Variants in B3GALT1 observed in about 807,000 individuals in gnomAD.
B3GALT1 encodes beta-1,3-galactosyltransferase 1.
A neutral mutation model predicts 23.2 loss-of-function variants in B3GALT1; 10 were observed. The ratio of observed to expected loss-of-function variants is 0.43; its 90% confidence interval spans 0.27 to 0.73. The LOEUF (loss-of-function observed/expected upper bound fraction) is 0.73. Ranked by LOEUF, B3GALT1 falls within the 30% of genes least tolerant of loss-of-function variation. The pLI is 0.21. For missense variants in B3GALT1, 299 were observed against 405.4 expected (o/e 0.74, Z 2.25); for synonymous variants, 156 against 141.5 (o/e 1.10, Z -0.73).
At chr2:167,518,257 C>T (rs1280878092) in intron 2 of B3GALT1, among the ~76,000 whole-genome samples, 4 of 151,928 alleles carry the variant, frequency 2.6e-5, no homozygotes, top group Non-Finnish European at 5.9e-5. Context: ...ATTTAGCTGA[C>T]TCCTATTTAC....
chr2:167,312,970 C>T (rs533738335), intron 1 of B3GALT1, among the ~76,000 whole-genome samples: 1 of 152,048 alleles, frequency 6.6e-6, no homozygotes. Context: ...GGGTATAAAA[C>T]ATACCATTAC....
chr2:167,476,703 C>T (rs1269855325), intron 1 of B3GALT1, among the ~76,000 whole-genome samples: 6 of 152,246 alleles, frequency 3.9e-5, no homozygotes, highest in South Asian at 2.1e-4. Flanking sequence ...CCATCCTCTA[C>T]ACCTCTCACT....
At chr2:167,790,874 CT>C (rs1379063565) in intron 3 of B3GALT1, among the ~76,000 whole-genome samples, 41 of 152,244 alleles carry the variant, frequency 2.7e-4, no homozygotes, top group African/African-American at 8.4e-4. Flanking sequence ...CCAAGCCAAA[CT>C]TTGAAATTAT....
At chr2:167,563,426 C>T (rs1220456662) in intron 2 of B3GALT1, among the ~76,000 whole-genome samples, 1 of 132,258 alleles carries the variant, frequency 7.6e-6, no homozygotes, top group Non-Finnish European at 1.6e-5. Flanking sequence ...CCTCCACCTC[C>T]CTCCCGGACA....
intron 3 of B3GALT1, among the ~76,000 whole-genome samples, chr2:167,792,913 A>C (rs557205538): frequency 1.3e-5 from 2 of 151,638 alleles, no homozygotes; most frequent in African/African-American, 4.8e-5. Flanking sequence ...TGGGGAGATG[A>C]AGAAGGAGGA....
intron 1 of B3GALT1, among the ~76,000 whole-genome samples, chr2:167,436,062 G>A (rs1270316107): frequency 6.6e-6 from 1 of 151,636 alleles, no homozygotes; most frequent in East Asian, 1.9e-4. Flanking sequence ...TAATCCCTCT[G>A]CCCAACATAT....
At chr2:167,750,734 C>CA (rs527622209) in intron 3 of B3GALT1, among the ~76,000 whole-genome samples, 2,741 of 57,494 alleles carry the variant, frequency 0.048, 30 homozygotes, top group Middle Eastern at 0.12. Context: ...GACTGTTGAG[C>CA]AAAAAAAAAA....
chr2:167,308,330 T>C (rs1027552790), intron 1 of B3GALT1, among the ~76,000 whole-genome samples: 2 of 152,016 alleles, frequency 1.3e-5, no homozygotes, highest in African/African-American at 4.8e-5. Context: ...GAATGGTATC[T>C]ATTACTAGAA....
chr2:167,323,833 A>G (rs1402764901), intron 1 of B3GALT1, among the ~76,000 whole-genome samples: 1 of 151,096 alleles, frequency 6.6e-6, no homozygotes, highest in African/African-American at 2.4e-5. Context: ...AGACATTCAG[A>G]AATTCTTATT....
At chr2:167,678,939 T>C (rs1414975489) in intron 3 of B3GALT1, among the ~76,000 whole-genome samples, 3 of 152,308 alleles carry the variant, frequency 2.0e-5, no homozygotes, top group Admixed American at 2.0e-4. Flanking sequence ...AAATGAGTAA[T>C]GTATGCACTT....
intron 1 of B3GALT1, among the ~76,000 whole-genome samples, chr2:167,309,689 A>G (rs952673003): frequency 6.6e-6 from 1 of 152,098 alleles, no homozygotes; most frequent in African/African-American, 2.4e-5. Context: ...GGGTAAAATA[A>G]TCTGCAAAAA....
intron 2 of B3GALT1, among the ~76,000 whole-genome samples, chr2:167,499,229 C>G (rs977410339): frequency 3.3e-5 from 5 of 152,060 alleles, no homozygotes; most frequent in African/African-American, 1.2e-4. Flanking sequence ...ATTTTACTGT[C>G]TACTATTTGA....
intron 4 of B3GALT1, among the ~76,000 whole-genome samples, chr2:167,859,391 A>T (rs1324406924): frequency 6.6e-6 from 1 of 152,274 alleles, no homozygotes; most frequent in East Asian, 1.9e-4. Context: ...AGGGCAACAC[A>T]TTGATTTGAA....
At chr2:167,351,900 A>C (rs921215308) in intron 1 of B3GALT1, among the ~76,000 whole-genome samples, 1 of 151,984 alleles carries the variant, frequency 6.6e-6, no homozygotes, top group African/African-American at 2.4e-5. Flanking sequence ...AATAGCAGTG[A>C]CTACAGGTGA....
chr2:167,631,834 A>G (rs1397841036), intron 2 of B3GALT1, among the ~76,000 whole-genome samples: 1 of 146,252 alleles, frequency 6.8e-6, no homozygotes, highest in East Asian at 2.0e-4. Flanking sequence ...GTTCCGGGAT[A>G]CATGTGCAGA....
intron 1 of B3GALT1, among the ~76,000 whole-genome samples, chr2:167,416,294 C>T (rs528537829): frequency 6.6e-6 from 1 of 152,174 alleles, no homozygotes; most frequent in Non-Finnish European, 1.5e-5. Flanking sequence ...TAGTCCTCCT[C>T]AGCCACCCCA....
chr2:167,315,833 G>T (rs182290375), intron 1 of B3GALT1, among the ~76,000 whole-genome samples: 4 of 152,032 alleles, frequency 2.6e-5, no homozygotes, highest in East Asian at 1.9e-4. Flanking sequence ...TAGAAAAAAT[G>T]TTCCACTTGG....
chr2:167,490,955 G>A (rs1339565928), intron 2 of B3GALT1, among the ~76,000 whole-genome samples: 3 of 152,180 alleles, frequency 2.0e-5, no homozygotes, highest in Admixed American at 1.3e-4. Flanking sequence ...TTTCTTCTCC[G>A]TTAACAAAAT....
chr2:167,332,888 C>T (rs957685082), intron 1 of B3GALT1, among the ~76,000 whole-genome samples: 1 of 152,184 alleles, frequency 6.6e-6, no homozygotes, highest in Non-Finnish European at 1.5e-5. Context: ...TATAAAGCAA[C>T]ACTATTAATC....
Sources: allele counts gnomAD v4.1 joint callset (sites outside exome capture counted in the v4.1 genomes callset), GRCh38; gene constraint gnomAD v4.1.1; transcripts MANE v1.5; gene names NCBI Gene and HGNC (gene_info 2026-07-23, HGNC 2026-07-21).